The following PREX2 variants were observed in gnomAD, a reference collection of about 807,000 sequenced individuals.
PREX2 encodes phosphatidylinositol-3,4,5-trisphosphate dependent Rac exchange factor 2, also known as phosphatidylinositol 3,4,5-trisphosphate-dependent Rac exchanger 2 protein.
In PREX2, 107 loss-of-function variants were observed where a neutral mutation model predicts 203.2. The ratio of observed to expected loss-of-function variants is 0.53; its 90% CI spans 0.45 to 0.62. The LOEUF (loss-of-function observed/expected upper bound fraction) is 0.62. Among genes scored for constraint, PREX2 ranks in the 20% least tolerant of loss-of-function variants. PREX2 has a pLI of 0.00. For missense variants in PREX2, 1,777 were observed against 1,955.9 expected (o/e 0.91, Z 1.72); for synonymous variants, 672 against 663.6 (o/e 1.01, Z -0.19).
At chr8:68,178,333 G>A (rs954157614) in intron 35 of PREX2, among the ~76,000 whole-genome samples, 1 of 152,050 alleles carries the variant, frequency 6.6e-6, no homozygotes, top group African/African-American at 2.4e-5. Context: ...GTATGAGATG[G>A]TATCTCATTG....
chr8:68,050,937 T>C (rs1476390992), intron 8 of PREX2, among the ~76,000 whole-genome samples: 1 of 152,024 alleles, frequency 6.6e-6, no homozygotes, highest in Non-Finnish European at 1.5e-5. Context: ...TAGTGGAAAA[T>C]AGAACGAGTG....
chr8:68,184,193 T>C (rs1243329822), intron 35 of PREX2, among the ~76,000 whole-genome samples: 1 of 152,136 alleles, frequency 6.6e-6, no homozygotes, highest in African/African-American at 2.4e-5. Context: ...TTTAACCACA[T>C]GTGGCCGCAG....
chr8:68,111,245 A>G (rs1396329451), intron 25 of PREX2, among the ~76,000 whole-genome samples: 1 of 152,190 alleles, frequency 6.6e-6, no homozygotes, highest in African/African-American at 2.4e-5. Context: ...TCCAGTTCCA[A>G]GAGTTGTTAT....
At chr8:68,087,626 A>C in intron 18 of PREX2, 98 bp from the exon 19 acceptor site, 1 of 882,956 alleles carries the variant, frequency 1.1e-6, no homozygotes. Context: ...TAGATCCTCA[A>C]TATGTATTTA....
At chr8:68,027,117 A>G (rs962181268) in intron 4 of PREX2, 105 bp from the exon 5 acceptor site, 37 of 778,762 alleles carry the variant, frequency 4.8e-5, no homozygotes, top group South Asian at 2.2e-4. Context: ...AAGAAAGTAT[A>G]TGAAGACATA....
At chr8:67,954,399 T>C (rs1031636102) in intron 1 of PREX2, among the ~76,000 whole-genome samples, 2 of 152,220 alleles carry the variant, frequency 1.3e-5, no homozygotes, top group Admixed American at 6.5e-5. Context: ...ATTTTCTTTT[T>C]AGGGTGTTAT....
chr8:68,047,472 TA>T lies in PREX2; in HGVS notation c.943+2883del, dbSNP rs1808388650. On this transcript the variant is annotated intron_variant, in intron 8 of 39. Transcript: ENST00000288368. ...ATAAATAATAAAATGGATGAATTTA[TA>T]TATATATATATATATATATATATAT... is the stretch of plus-strand genomic sequence containing the variant. 4.7e-3 allele frequency among the ~76,000 whole-genome samples: 7 copies of T among 1,480 alleles called. No homozygotes were observed. In the South Asian group the frequency reaches 0.13, roughly 28 times the overall value. 1.0% of individuals were successfully genotyped at this position (1,480 alleles called of 152,430 possible).
At chr8:68,043,199 A>C (rs529902670) in intron 7 of PREX2, among the ~76,000 whole-genome samples, 1 of 152,246 alleles carries the variant, frequency 6.6e-6, no homozygotes, top group African/African-American at 2.4e-5. Context: ...TATAGCATTG[A>C]TTTATGCTTA....
intron 17 of PREX2, chr8:68,082,553 C>T (rs938532344): frequency 6.6e-6 from 1 of 152,226 alleles, no homozygotes; most frequent in Admixed American, 6.5e-5. Flanking sequence ...AGAGGATGGT[C>T]TTAGAGCACA....
intron 35 of PREX2, among the ~76,000 whole-genome samples, chr8:68,180,747 A>G (rs1173282028): frequency 6.6e-6 from 1 of 152,146 alleles, no homozygotes; most frequent in African/African-American, 2.4e-5. Flanking sequence ...GAAAGTATCC[A>G]CTGGATTGGA....
intron 39 of PREX2, among the ~76,000 whole-genome samples, chr8:68,225,331 C>T (rs1813037505): frequency 6.6e-6 from 1 of 152,046 alleles, no homozygotes; most frequent in African/African-American, 2.4e-5. Context: ...AGAAAGGACT[C>T]CCATTGACTT....
chr8:67,972,542 TC>T (rs1805954300), intron 1 of PREX2, among the ~76,000 whole-genome samples: 1 of 152,186 alleles, frequency 6.6e-6, no homozygotes, highest in African/African-American at 2.4e-5. Context: ...TCCTGAAGGT[TC>T]CCCGTGACTA....
At chr8:68,187,980 C>G (rs1215704540) in intron 35 of PREX2, among the ~76,000 whole-genome samples, 1 of 152,110 alleles carries the variant, frequency 6.6e-6, no homozygotes, top group Non-Finnish European at 1.5e-5. Context: ...CAGAGCTAGC[C>G]TCACCATTTG....
At chr8:67,964,096 G>A (rs1805705294) in intron 1 of PREX2, among the ~76,000 whole-genome samples, 1 of 152,150 alleles carries the variant, frequency 6.6e-6, no homozygotes, top group African/African-American at 2.4e-5. Context: ...GTATAGTAGG[G>A]TGTTGTCCTT....
In PREX2 at chr8:68,080,577, T is replaced by A. The variant is rs1414727260; in HGVS notation, c.1777T>A (p.Ser593Thr). The change falls in exon 16 of 40, where the codon TCA becomes ACA. Residue 593 changes from serine (S) to threonine (T), a missense_variant. Ser to Thr is a moderately conservative substitution (Grantham distance 58, BLOSUM62 1). Coordinates refer to ENST00000288368, the MANE Select transcript of PREX2 (RefSeq NM_024870.4). ...AGTTGTGGAAAATGTTATAGCTAAGTCATTATTGGTAAGTTTATTGATATG... is the reference window on the plus strand; with the variant it reads ...AGTTGTGGAAAATGTTATAGCTAAGACATTATTGGTAAGTTTATTGATATG... ...LKVVENVIAK[S>T]LLIKSNEGSY... 3 of 1,600,530 alleles carry A rather than the reference T, an allele frequency of 1.9e-6. No homozygotes were observed. Among genetic ancestry groups the A allele is most frequent in the Non-Finnish European group, 2.6e-6 (3 of 1,170,706 alleles).
At chr8:68,208,867 T>G (rs567313987) in intron 37 of PREX2, among the ~76,000 whole-genome samples, 178 of 151,846 alleles carry the variant, frequency 1.2e-3, no homozygotes, top group African/African-American at 4.1e-3. Context: ...GGTAGGAGGA[T>G]CACTTGAGCC....
chr8:67,989,649 G>T (rs1448678484), intron 1 of PREX2, among the ~76,000 whole-genome samples: 1 of 152,084 alleles, frequency 6.6e-6, no homozygotes, highest in African/African-American at 2.4e-5. Context: ...TTACCTTAGC[G>T]ATTTAAAGTT....
intron 26 of PREX2, among the ~76,000 whole-genome samples, chr8:68,118,078 G>C (rs779620500): frequency 6.6e-6 from 1 of 152,114 alleles, no homozygotes; most frequent in Non-Finnish European, 1.5e-5. Flanking sequence ...ATCTTTGGCC[G>C]GGCGTGGTGG....
At chr8:68,191,641 G>A (rs761414164) in intron 35 of PREX2, 81 bp from the exon 36 acceptor site, 58 of 1,004,386 alleles carry the variant, frequency 5.8e-5, no homozygotes, top group Non-Finnish European at 8.2e-5. Flanking sequence ...TTAAAAAAAA[G>A]TCAGTGATTC....
Sources: allele counts gnomAD v4.1 joint callset (sites outside exome capture counted in the v4.1 genomes callset), GRCh38; gene constraint gnomAD v4.1.1; transcripts MANE v1.5; gene names NCBI Gene and HGNC (gene_info 2026-07-23, HGNC 2026-07-21).